The following RASGRP3 variants were observed in gnomAD, a reference collection of about 807,000 sequenced individuals.
RASGRP3 encodes RAS guanyl releasing protein 3.
RASGRP3 carries 54 observed loss-of-function variants against 82.7 expected under a neutral mutation model. The ratio of observed to expected loss-of-function variants is 0.65; its 90% CI spans 0.52 to 0.82. RASGRP3 has a LOEUF of 0.82. Among genes scored for constraint, RASGRP3 ranks in the 40% least tolerant of loss-of-function variants. RASGRP3 has a pLI of 0.00. For missense variants in RASGRP3, 861 were observed against 828.9 expected, an observed-to-expected ratio of 1.04 and a Z score of -0.48; for synonymous variants, 309 against 300.5, an observed-to-expected ratio of 1.03 and a Z score of -0.29.
At chr2:33,517,244 G>T (rs1470637033) in intron 4 of RASGRP3, among the ~76,000 whole-genome samples, 3 of 152,228 alleles carry the variant, frequency 2.0e-5, no homozygotes, top group African/African-American at 7.2e-5. Flanking sequence ...CAGTCTACCA[G>T]TTCTCTACAT....
intron 5 of RASGRP3, 62 bp downstream of exon 5, chr2:33,520,076 C>G (rs947842940): frequency 3.7e-6 from 5 of 1,355,956 alleles, no homozygotes; most frequent in Non-Finnish European, 5.1e-6. Flanking sequence ...GGACAATTTC[C>G]TTTTCCCCAA....
chr2:33,446,291 G>A (rs576448804), intron 1 of RASGRP3, among the ~76,000 whole-genome samples: 8 of 152,192 alleles, frequency 5.3e-5, no homozygotes, highest in Admixed American at 4.6e-4. Flanking sequence ...CTAGTAGCTG[G>A]GACTACAGGC....
At chr2:33,475,371 G>A (rs546169942), upstream of RASGRP3, among the ~76,000 whole-genome samples, 1 of 152,034 alleles carries the variant, frequency 6.6e-6, no homozygotes, top group African/African-American at 2.4e-5. Context: ...GGAAATTTCT[G>A]GTTTGATTAA....
chr2:33,501,904 C>A (rs1045696583), intron 1 of RASGRP3, among the ~76,000 whole-genome samples: 2 of 152,138 alleles, frequency 1.3e-5, no homozygotes, highest in Non-Finnish European at 2.9e-5. Flanking sequence ...TACTACACTG[C>A]GGCTAAGCCT....
intron 2 of RASGRP3, among the ~76,000 whole-genome samples, chr2:33,467,211 C>T (rs924120788): frequency 2.6e-5 from 4 of 152,026 alleles, no homozygotes; most frequent in Admixed American, 6.6e-5. Flanking sequence ...CATTGAACAC[C>T]GGCACTATAT....
rs537440109 is a variant in RASGRP3 at position 33,524,170 on chromosome 2, C to T, written c.690+118C>T. On this transcript the variant is annotated intron_variant, in intron 8 of 17. Transcript: ENST00000403687. ...AAGGGCATCGGACAACTAAACTACT[C>T]GCTGATATCTAATGAACAAATCGTA... 6.3e-5 allele frequency: 75 copies of T among 1,188,396 alleles called. No individual in the cohort carries two copies. In the Admixed American group the frequency reaches 1.1e-3, roughly 17 times the overall value. 73.6% of individuals were successfully genotyped at this position (1,188,396 alleles called of 1,614,324 possible). A position where few individuals can be genotyped will look rare whatever the true frequency, so the allele number is the denominator to read the frequency against.
chr2:33,488,998 CTA>C (rs1668627221), intron 1 of RASGRP3, among the ~76,000 whole-genome samples: 1 of 151,374 alleles, frequency 6.6e-6, no homozygotes, highest in African/African-American at 2.4e-5. Flanking sequence ...TGGCATCAGT[CTA>C]TATCAGTGGT....
chr2:33,543,710 T>G, intron 13 of RASGRP3, 83 bp downstream of exon 13: 5 of 983,480 alleles, frequency 5.1e-6, no homozygotes, highest in Non-Finnish European at 4.5e-6. Context: ...AAACTTGTAA[T>G]TTGCATCTTG....
intron 2 of RASGRP3, among the ~76,000 whole-genome samples, chr2:33,451,751 C>T (rs1393100310): frequency 3.3e-5 from 5 of 151,998 alleles, no homozygotes; most frequent in Non-Finnish European, 7.4e-5. Flanking sequence ...GATCTGGATG[C>T]TCATTTGCCT....
intron 9 of RASGRP3, among the ~76,000 whole-genome samples, chr2:33,525,908 A>G (rs1032191499): frequency 6.6e-6 from 1 of 151,638 alleles, no homozygotes; most frequent in African/African-American, 2.4e-5. Flanking sequence ...CAGACCTCTG[A>G]CTCAGGTGCT....
chr2:33,438,389 C>G (rs1665037689), intron 1 of RASGRP3, among the ~76,000 whole-genome samples: 1 of 152,036 alleles, frequency 6.6e-6, no homozygotes, highest in Non-Finnish European at 1.5e-5. Flanking sequence ...AGGGTGAAAC[C>G]CCGTCTCTAC....
In RASGRP3 at chr2:33,558,992, G is replaced by C. The variant is rs773283474; in HGVS notation, c.2026G>C (p.Asp676His). The C allele has an allele frequency of 6.2e-7, 1 of 1,613,402 alleles. No individual in the cohort carries two copies. The highest frequency in any genetic ancestry group is 1.1e-5 in the South Asian group (1 of 90,902). Reference protein sequence around the residue: ...VVDRGTEFELDQDEGEETRQD... With the variant: ...VVDRGTEFELHQDEGEETRQD... The stretch of plus-strand genomic sequence containing the variant: ...AGACCGGGGCACGGAGTTTGAACTT[G>C]ACCAGGATGAAGGAGAAGAGACCAG... The change falls in exon 17 of 18, where the codon GAC (aspartate) becomes CAC (histidine). Residue 676 changes from aspartate (D) to histidine (H), a missense_variant. Physicochemically the swap from Asp to His is moderately conservative, Grantham distance 81 (BLOSUM62 -1). Transcript: ENST00000403687.
At chr2:33,537,052 G>T (rs1673684231) in intron 11 of RASGRP3, among the ~76,000 whole-genome samples, 1 of 152,048 alleles carries the variant, frequency 6.6e-6, no homozygotes, top group Non-Finnish European at 1.5e-5. Flanking sequence ...GAAGAATCAG[G>T]TCACATGGAC....
chr2:33,492,978 G>T (rs1457180084), intron 1 of RASGRP3: 1 of 152,222 alleles, frequency 6.6e-6, no homozygotes, highest in Non-Finnish European at 1.5e-5. Context: ...TCATGAGTCT[G>T]CAGTGACAGG....
intron 1 of RASGRP3, among the ~76,000 whole-genome samples, chr2:33,438,775 C>G (rs948129343): frequency 6.6e-6 from 1 of 151,974 alleles, no homozygotes; most frequent in African/African-American, 2.4e-5. Flanking sequence ...TGCCTTATTT[C>G]CAGAGTAACT....
At chr2:33,483,878 C>T (rs980597774) in intron 1 of RASGRP3, among the ~76,000 whole-genome samples, 4 of 152,098 alleles carry the variant, frequency 2.6e-5, no homozygotes, top group Non-Finnish European at 5.9e-5. Context: ...ATTGCTTGTC[C>T]TTTTCCCATC....
intron 2 of RASGRP3, among the ~76,000 whole-genome samples, chr2:33,448,280 C>G (rs1665606078): frequency 6.6e-6 from 1 of 152,116 alleles, no homozygotes; most frequent in Admixed American, 6.5e-5. Context: ...TTTCTTCTCT[C>G]AACAACCTAA....
At chr2:33,536,582 G>T (rs1673635039) in intron 11 of RASGRP3, among the ~76,000 whole-genome samples, 1 of 151,808 alleles carries the variant, frequency 6.6e-6, no homozygotes, top group African/African-American at 2.4e-5. Flanking sequence ...CCAATTTTAG[G>T]AGATATTTCC....
At chr2:33,504,093 G>A (rs77670937) in intron 1 of RASGRP3, among the ~76,000 whole-genome samples, 4,671 of 151,964 alleles carry the variant, frequency 0.031, 255 homozygotes, top group African/African-American at 0.11. Context: ...CATTTTTCAC[G>A]TAGTGATAAA....
Sources: allele counts gnomAD v4.1 joint callset (sites outside exome capture counted in the v4.1 genomes callset), GRCh38; gene constraint gnomAD v4.1.1; transcripts MANE v1.5; gene names NCBI Gene and HGNC (gene_info 2026-07-23, HGNC 2026-07-21).